MAN1B1: variants seen among roughly 807,000 people sequenced by gnomAD.
MAN1B1 encodes endoplasmic reticulum mannosyl-oligosaccharide 1,2-alpha-mannosidase.
In MAN1B1, 66 loss-of-function variants were observed where a neutral mutation model predicts 75.5. The ratio of observed to expected loss-of-function variants is 0.87; its 90% confidence interval spans 0.72 to 1.07. The LOEUF is 1.07. MAN1B1 is among the 50% of genes least tolerant of loss of function. MAN1B1 has a pLI of 0.00. For missense variants in MAN1B1, 973 were observed against 912.5 expected (o/e 1.07, Z -0.85); for synonymous variants, 453 against 382.8 (o/e 1.18, Z -2.14).
chr9:137,088,439 A>C (rs752184823), intron 2 of MAN1B1: 2 of 1,546,296 alleles, frequency 1.3e-6, no homozygotes, highest in Non-Finnish European at 1.7e-6. Context: ...AGAGTAAGTC[A>C]GCTGGTGGGC....
At chr9:137,099,915 T>C in intron 6 of MAN1B1, 34 bp downstream of exon 6, 1 of 1,612,088 alleles carries the variant, frequency 6.2e-7, no homozygotes, top group South Asian at 1.1e-5. Context: ...GGCTGAGCCC[T>C]CCGTGTGGGC....
rs1001762238 is a variant in MAN1B1, at chr9:137,101,398, A to G, written c.1066-86A>G. 392 of 1,337,870 alleles carry G rather than the reference A, an allele frequency of 2.9e-4. 1 individual carries two copies. The highest frequency in any genetic ancestry group is 5.1e-5 in the Non-Finnish European group (48 of 934,218). 82.9% of individuals were successfully genotyped at this position (1,337,870 alleles called of 1,614,324 possible). Reference sequence around the variant, plus strand: ...GCTGTGTTGACCCCAGAGAGCCTTCAGTGTCTCCACTGAACTGCATGAAAG... The same window carrying G: ...GCTGTGTTGACCCCAGAGAGCCTTCGGTGTCTCCACTGAACTGCATGAAAG... On this transcript the variant is annotated intron_variant, in intron 7 of 12. Coordinates refer to ENST00000371589, the MANE Select transcript of MAN1B1 (RefSeq NM_016219.5).
Position 137,108,634 on chromosome 9 carries a change from A to G in MAN1B1, c.*43A>G. The stretch of plus-strand genomic sequence containing the variant: ...GTGGGGACTTCGGGTGGGCAGAGGC[A>G]CCTTGCTGGGTCTGTGGCATTTTCC... On this transcript the variant is annotated 3_prime_UTR_variant, in exon 13 of 13. Coordinates refer to ENST00000371589, the MANE Select transcript of MAN1B1 (RefSeq NM_016219.5). 1.3e-6 allele frequency: 2 copies of G among 1,587,078 alleles called. No homozygotes were observed. Among genetic ancestry groups the G allele is most frequent in the Non-Finnish European group, 1.7e-6 (2 of 1,156,310 alleles).
chr9:137,108,549 C>G lies in MAN1B1; in HGVS notation c.2058C>G (p.Phe686Leu). The G allele has an allele frequency of 6.2e-7, 1 of 1,613,954 alleles. No homozygotes were observed. Among genetic ancestry groups the G allele is most frequent in the Non-Finnish European group, 8.5e-7 (1 of 1,180,010 alleles). The part of the protein sequence containing the change: ...PNLLSLDAYV[F>L]NTEAHPLPIW... ...TGCTCAGCCTGGATGCCTACGTGTT[C>G]AACACCGAAGCCCACCCTCTGCCTA... Residue 686 changes from phenylalanine to leucine, a missense_variant, in exon 13 of 13, where the codon TTC becomes TTG. By Grantham distance (22) the Phe-to-Leu change is conservative (BLOSUM62 0). Transcript: ENST00000371589.
At chr9:137,095,994 T>C (rs556193851) in intron 3 of MAN1B1, among the ~76,000 whole-genome samples, 5 of 152,300 alleles carry the variant, frequency 3.3e-5, no homozygotes, top group African/African-American at 1.2e-4. Context: ...TTTGGAAATA[T>C]TCCCACCGTG....
intron 3 of MAN1B1, 28 bp downstream of exon 3, chr9:137,089,033 T>C (rs145520113): frequency 3.1e-6 from 5 of 1,613,778 alleles, no homozygotes; most frequent in Non-Finnish European, 4.2e-6. Context: ...TGTGGGGTTA[T>C]AACTGGGGTT....
intron 3 of MAN1B1, among the ~76,000 whole-genome samples, chr9:137,092,847 G>A (rs1267570878): frequency 6.6e-6 from 1 of 152,214 alleles, no homozygotes; most frequent in East Asian, 1.9e-4. Flanking sequence ...GACACTTACA[G>A]GAGGGGAGAG....
chr9:137,105,848 A>C (rs753000707), intron 8 of MAN1B1: 355 of 616,600 alleles, frequency 5.8e-4, no homozygotes, highest in Non-Finnish European at 1.0e-3. Context: ...CCTTCGAGTA[A>C]GGGATGAGAG....
intron 9 of MAN1B1, 63 bp from the exon 10 acceptor site, chr9:137,106,626 C>T (rs1831117825): frequency 3.7e-6 from 6 of 1,610,134 alleles, no homozygotes; most frequent in Non-Finnish European, 5.1e-6. Flanking sequence ...GTGCCTGTCC[C>T]TGGTGCCCCA....
chr9:137,092,759 C>G (rs974527706), intron 3 of MAN1B1, among the ~76,000 whole-genome samples: 1 of 152,114 alleles, frequency 6.6e-6, no homozygotes, highest in African/African-American at 2.4e-5. Context: ...ATTCTCGTGT[C>G]GGCAATGTTT....
In MAN1B1 at chr9:137,107,570, G is replaced by C; in HGVS notation, c.1804G>C (p.Glu602Gln). The stretch of plus-strand genomic sequence containing the variant: ...CAACCTGCTGCGGCCAGAGACCGTG[G>C]AGAGCCTGTTCTACCTGTACCGCGT... ...RHNLLRPETV[E>Q]SLFYLYRVTG... The change falls in exon 12 of 13, where the codon GAG becomes CAG. Residue 602 changes from glutamate (E) to glutamine (Q), a missense_variant. By Grantham distance (29) the Glu-to-Gln change is conservative (BLOSUM62 2). Coordinates refer to ENST00000371589, the MANE Select transcript of MAN1B1 (RefSeq NM_016219.5). 6.2e-7 allele frequency: 1 copy of C among 1,612,662 alleles called. No individual in the cohort carries two copies. The highest frequency in any genetic ancestry group is 8.5e-7 in the Non-Finnish European group (1 of 1,179,978).
rs765615782 is a variant in MAN1B1, at chr9:137,108,425, A to C, written c.1934A>C (p.Gln645Pro). 5.6e-6 allele frequency: 9 copies of C among 1,613,700 alleles called. No individual in the cohort carries two copies. The African/African-American group carries it at 1.2e-4, about 22-fold the overall frequency. Residue 645 changes from glutamine (Q) to proline (P), a missense_variant, in exon 13 of 13, where the codon CAG (glutamine) becomes CCG (proline). Physicochemically the swap from Gln to Pro is moderately conservative, Grantham distance 76. Coordinates refer to ENST00000371589, the MANE Select transcript of MAN1B1 (RefSeq NM_016219.5). ...GGCTATTCTTCCATCAACAATGTCC[A>C]GGATCCTCAGAAGCCCGAGCCTAGG... ...SGGYSSINNV[Q>P]DPQKPEPRDK...
At chr9:137,089,076 G>T in intron 3 of MAN1B1, 71 bp downstream of exon 3, 1 of 1,572,846 alleles carries the variant, frequency 6.4e-7, no homozygotes, top group South Asian at 1.1e-5. Flanking sequence ...ACTGAAGATT[G>T]AGAAGAATTA....
intron 5 of MAN1B1, among the ~76,000 whole-genome samples, chr9:137,098,508 C>G (rs896351016): frequency 1.3e-5 from 2 of 152,198 alleles, no homozygotes; most frequent in African/African-American, 2.4e-5. Context: ...ATCATGCCCC[C>G]CAGGTGTCTC....
chr9:137,099,261 C>T (rs1285334759), intron 5 of MAN1B1, among the ~76,000 whole-genome samples: 5 of 152,278 alleles, frequency 3.3e-5, no homozygotes, highest in South Asian at 2.1e-4. Flanking sequence ...GGTCTGCACC[C>T]GTCCGTGTTT....
chr9:137,104,357 C>G (rs937513786), intron 8 of MAN1B1: 3 of 304,716 alleles, frequency 9.8e-6, no homozygotes, highest in African/African-American at 6.5e-5. Context: ...GCCTCAGCCT[C>G]CCAAGTAGCT....
At chr9:137,101,209 C>A (rs891993154) in intron 7 of MAN1B1, 56 bp downstream of exon 7, 3 of 1,601,828 alleles carry the variant, frequency 1.9e-6, no homozygotes, top group Non-Finnish European at 2.6e-6. Flanking sequence ...CAAGCAGTTA[C>A]CCCTTTAGTG....
rs1564281463 is a variant in MAN1B1, at chr9:137,099,735, TCCTG to T, written c.772_775del (p.Leu258MetfsTer16). 3.1e-6 allele frequency: 5 copies of T among 1,614,108 alleles called. No individual in the cohort carries two copies. In the Admixed American group the frequency reaches 8.3e-5, roughly 27 times the overall value. On this transcript the variant is annotated frameshift_variant, in exon 6 of 13. Coordinates refer to ENST00000371589, the MANE Select transcript of MAN1B1 (RefSeq NM_016219.5). LOFTEE classifies it high-confidence loss of function. Reference sequence around the variant, plus strand: ...CGCCAGAAGGGCGTGATTGACGTCTTCCTGCATGCATGGAAAGGATACCGCAAGT... The same window carrying T: ...CGCCAGAAGGGCGTGATTGACGTCTTCATGCATGGAAAGGATACCGCAAGT...
Position 137,106,209 on chromosome 9 carries a change from A to G in MAN1B1, c.1339A>G (p.Ser447Gly). The G allele has an allele frequency of 6.2e-7, 1 of 1,611,130 alleles. No homozygotes were observed. Among genetic ancestry groups the G allele is most frequent in the African/African-American group, 1.3e-5 (1 of 75,038 alleles). Residue 447 changes from serine to glycine, a missense_variant, in exon 9 of 13, where the codon AGT becomes GGT. Coordinates refer to ENST00000371589, the MANE Select transcript of MAN1B1 (RefSeq NM_016219.5). Reference sequence around the variant, plus strand: ...GGTGCCCATGTTCATCAATACCCACAGTGGCCTCTTCACCCACCTGGGCGT... The same window carrying G: ...GGTGCCCATGTTCATCAATACCCACGGTGGCCTCTTCACCCACCTGGGCGT... Reference protein sequence around the residue: ...GLVPMFINTHSGLFTHLGVFT... With the variant: ...GLVPMFINTHGGLFTHLGVFT...
Sources: allele counts gnomAD v4.1 joint callset (sites outside exome capture counted in the v4.1 genomes callset), GRCh38; gene constraint gnomAD v4.1.1; transcripts MANE v1.5; gene names NCBI Gene and HGNC (gene_info 2026-07-23, HGNC 2026-07-21).